Variants in SLC25A29 observed in about 807,000 individuals in gnomAD.
SLC25A29 encodes mitochondrial basic amino acids transporter.
A neutral mutation model predicts 10.0 loss-of-function variants in SLC25A29; 13 were observed. The observed-to-expected ratio is 1.30, with a 90% CI of 0.85 to 2.07. The LOEUF is 2.07. SLC25A29 is among the 30% of genes most tolerant of loss of function. The pLI is 0.00. For missense variants in SLC25A29, 475 were observed against 447.6 expected (o/e 1.06, Z -0.55); for synonymous variants, 244 against 221.1 (o/e 1.10, Z -0.92).
At chr14:100,280,692 G>T in the SLC25A29 span, 1 of 151,972 alleles carries the variant, frequency 6.6e-6, no homozygotes, top group Non-Finnish European at 1.5e-5. Flanking sequence ...GATAGTGTGC[G>T]CAATACCTGT....
chr14:100,304,609 ACAGTGC>A (rs750473759), intron 1 of SLC25A29, among the ~76,000 whole-genome samples: 134 of 151,888 alleles, frequency 8.8e-4, no homozygotes, highest in Non-Finnish European at 1.6e-3. Flanking sequence ...ACAGCACCAG[ACAGTGC>A]CAGTCCTTGA....
At chr14:100,303,969 T>G (rs1242603706) in intron 1 of SLC25A29, among the ~76,000 whole-genome samples, 1 of 152,092 alleles carries the variant, frequency 6.6e-6, no homozygotes, top group African/African-American at 2.4e-5. Context: ...AAGATTTGGG[T>G]TGATCCCCCA....
At chr14:100,289,569 G>A (rs773797274), downstream of SLC25A29, among the ~76,000 whole-genome samples, 3 of 152,148 alleles carry the variant, frequency 2.0e-5, no homozygotes, top group Admixed American at 6.6e-5. Context: ...GAGGCCGGGC[G>A]CAGTGGCTCA....
chr14:100,291,998 G>T lies in SLC25A29; in HGVS notation c.*285C>A. The T allele has an allele frequency of 2.2e-6, 1 of 463,124 alleles. No individual in the cohort carries two copies. The highest frequency in any genetic ancestry group is 3.9e-6 in the Non-Finnish European group (1 of 257,932). The allele number at this position is 463,124 out of a possible 1,614,324, so 28.7% of individuals were successfully genotyped here. A position where few individuals can be genotyped will look rare whatever the true frequency, so the allele number is the denominator to read the frequency against. On this transcript the variant is annotated 3_prime_UTR_variant, in exon 4 of 4. Transcript: ENST00000359232. Reference sequence around the variant, plus strand: ...GTCTGCCTCAGTTTCCAGGATAACGGTGCAATGGCCTCAGCCAGGCCAGGT... The same window carrying T: ...GTCTGCCTCAGTTTCCAGGATAACGTTGCAATGGCCTCAGCCAGGCCAGGT...
intron 2 of SLC25A29, chr14:100,295,797 C>T: frequency 7.8e-7 from 1 of 1,289,672 alleles, no homozygotes; most frequent in Non-Finnish European, 1.0e-6. Context: ...CTCCCCATCC[C>T]ATGCCCAGGG....
At chr14:100,297,862 T>A (rs1892275752) in intron 2 of SLC25A29, among the ~76,000 whole-genome samples, 1 of 152,192 alleles carries the variant, frequency 6.6e-6, no homozygotes. Context: ...TACAGGGACC[T>A]GCCCAAGGTC....
chr14:100,299,365 ACTCTGGGCCTTACCTGTAAAGGTTTAC>A, intron 1 of SLC25A29: 2 of 1,007,228 alleles, frequency 2.0e-6, no homozygotes, highest in South Asian at 4.0e-5. Flanking sequence ...TCTGGGCCTC[ACTCTGGGCCTTACCTGTAAAGGTTTAC>A]CTCCCTCCCC....
Position 100,293,322 on chromosome 14 carries a change from C to A in SLC25A29, c.134G>T (p.Cys45Phe). 2 of 1,613,460 alleles carry A rather than the reference C, an allele frequency of 1.2e-6. No homozygotes were observed. Among genetic ancestry groups the A allele is most frequent in the African/African-American group, 1.3e-5 (1 of 75,052 alleles). Residue 45 changes from cysteine to phenylalanine, a missense_variant, in exon 3 of 4, where the codon TGC becomes TTC. Physicochemically the swap from Cys to Phe is radical, Grantham distance 205. Transcript: ENST00000359232. The stretch of plus-strand genomic sequence containing the variant: ...CTCTTGCTTGATGATGGACTTGAAG[C>A]AGTGCAACGTCCCGCGGTACTGAGG... Reference protein sequence around the residue: ...EKPQYRGTLHCFKSIIKQESV... With the variant: ...EKPQYRGTLHFFKSIIKQESV...
intron 3 of SLC25A29, 46 bp from the exon 4 acceptor site, chr14:100,293,078 G>A (rs1891878566): frequency 2.7e-6 from 4 of 1,485,720 alleles, no homozygotes; most frequent in South Asian, 1.4e-5. Flanking sequence ...CGCACCTCCC[G>A]GGCCCTCCAC....
intron 1 of SLC25A29, among the ~76,000 whole-genome samples, chr14:100,302,171 G>A (rs1892604229): frequency 1.3e-5 from 2 of 151,138 alleles, no homozygotes; most frequent in African/African-American, 2.4e-5. Flanking sequence ...TCAGCCTCCC[G>A]AATAGCTGGA....
rs1362315918 is a variant in SLC25A29, at chr14:100,292,424, G to A, written c.771C>T (p.Arg257=). Residue 257 remains arginine, a synonymous_variant, in exon 4 of 4, where the codon CGC becomes CGT. Coordinates refer to ENST00000359232, the MANE Select transcript of SLC25A29 (RefSeq NM_001039355.3). ...AGGTGGCAGCGTTGACGGGGAAGGC[G>A]CGCAGCAGCGTGGACGCCAGCCCCC... ...FTRGLASTLL[R]AFPVNAATFA... 3 of 1,578,594 alleles carry A rather than the reference G, an allele frequency of 1.9e-6. No homozygotes were observed. Among genetic ancestry groups the A allele is most frequent in the African/African-American group, 1.3e-5 (1 of 74,560 alleles).
intron 1 of SLC25A29, among the ~76,000 whole-genome samples, chr14:100,300,132 G>A (rs1351776029): frequency 6.6e-6 from 1 of 152,176 alleles, no homozygotes; most frequent in Admixed American, 6.5e-5. Context: ...TTAGCCAGGT[G>A]TGGTGGCGGG....
downstream of SLC25A29, among the ~76,000 whole-genome samples, chr14:100,286,642 C>T (rs1480297211): frequency 6.6e-6 from 1 of 152,188 alleles, no homozygotes; most frequent in Non-Finnish European, 1.5e-5. Flanking sequence ...TCAAGGTGGA[C>T]ACTGGCCCCA....
At chr14:100,285,492 C>A in the SLC25A29 span, among the ~76,000 whole-genome samples, 2 of 151,556 alleles carry the variant, frequency 1.3e-5, no homozygotes, top group African/African-American at 4.8e-5. Flanking sequence ...GTGCGCAGCG[C>A]GGAGCGGCCC....
At position 100,292,065 on chromosome 14, in the gene SLC25A29, A is replaced by G; in HGVS notation, c.*218T>C. Reference sequence around the variant, plus strand: ...AATAATCTCTGAGCTTCGTGACTCTACAGTGTGGGCATGAGGGTCCTTATT... The same window carrying G: ...AATAATCTCTGAGCTTCGTGACTCTGCAGTGTGGGCATGAGGGTCCTTATT... On this transcript the variant is annotated 3_prime_UTR_variant, in exon 4 of 4. Transcript: ENST00000359232. 1 of 587,324 alleles carries G rather than the reference A, an allele frequency of 1.7e-6. No homozygotes were observed. The highest frequency in any genetic ancestry group is 1.9e-5 in the South Asian group (1 of 51,910). The allele number at this position is 587,324 out of a possible 1,614,324, so 36.4% of individuals were successfully genotyped here. A position where few individuals can be genotyped will look rare whatever the true frequency, so the allele number is the denominator to read the frequency against.
chr14:100,293,709 G>A (rs1004874386), intron 2 of SLC25A29: 6 of 262,362 alleles, frequency 2.3e-5, no homozygotes, highest in Non-Finnish European at 2.9e-5. Flanking sequence ...AGACTGGCCC[G>A]TTCTCCAGGT....
rs1891719621 is a variant in SLC25A29 at position 100,291,873 on chromosome 14, C to T, written c.*410G>A. ...GTGGAGGATGTGTGGAGTTAGAGGTCCCTGGGTGGCCCCTTGGTTGGCCAT... is the reference window on the plus strand; with the variant it reads ...GTGGAGGATGTGTGGAGTTAGAGGTTCCTGGGTGGCCCCTTGGTTGGCCAT... On this transcript the variant is annotated 3_prime_UTR_variant, in exon 4 of 4. Coordinates refer to ENST00000359232, the MANE Select transcript of SLC25A29 (RefSeq NM_001039355.3). 1 of 272,688 alleles carries T rather than the reference C, an allele frequency of 3.7e-6. No individual in the cohort carries two copies. The highest frequency in any genetic ancestry group is 2.4e-5 in the African/African-American group (1 of 42,470). The allele number at this position is 272,688 out of a possible 1,614,324, so 16.9% of individuals were successfully genotyped here.
At chr14:100,298,999 G>A in intron 1 of SLC25A29, 114 bp from the exon 2 acceptor site, 2 of 1,513,076 alleles carry the variant, frequency 1.3e-6, no homozygotes, top group South Asian at 1.3e-5. Flanking sequence ...CCGGGGAAAG[G>A]ACATTGACCA....
Position 100,291,877 on chromosome 14 carries a change from G to T in SLC25A29, c.*406C>A. 2 of 276,362 alleles carry T rather than the reference G, an allele frequency of 7.2e-6. No individual in the cohort carries two copies. The highest frequency in any genetic ancestry group is 6.6e-5 in the South Asian group (2 of 30,268). The allele number at this position is 276,362 out of a possible 1,614,324, so 17.1% of individuals were successfully genotyped here. ...AGGATGTGTGGAGTTAGAGGTCCCT[G>T]GGTGGCCCCTTGGTTGGCCATCAGA... is the stretch of plus-strand genomic sequence containing the variant. On this transcript the variant is annotated 3_prime_UTR_variant, in exon 4 of 4. Transcript: ENST00000359232.
Sources: gnomAD v4.1 joint callset for allele counts (sites outside exome capture counted in the v4.1 genomes callset) on GRCh38, gnomAD v4.1.1 for gene constraint, MANE v1.5 for transcripts, NCBI Gene and HGNC (gene_info 2026-07-23, HGNC 2026-07-21) for gene names.